Variants in SSU72 observed in about 807,000 individuals in gnomAD.
The protein encoded by SSU72 is RNA polymerase II subunit A C-terminal domain phosphatase SSU72.
A neutral mutation model predicts 22.7 loss-of-function variants in SSU72; 12 were observed. That is an observed-to-expected ratio of 0.53 (90% CI 0.34 to 0.86). SSU72 has a LOEUF of 0.86. Ranked by LOEUF, SSU72 falls within the 40% of genes least tolerant of loss-of-function variation. The pLI is 0.02. For synonymous variants in SSU72, 116 were observed against 98.3 expected (o/e 1.18, Z -1.06); for missense variants, 151 against 249.8 (o/e 0.60, Z 2.67).
intron 2 of SSU72, among the ~76,000 whole-genome samples, chr1:1,551,045 G>C (rs1363308668): frequency 1.3e-5 from 2 of 152,182 alleles, no homozygotes; most frequent in Non-Finnish European, 2.9e-5. Context: ...CTACAGGGCA[G>C]AGCAGGCCTG....
chr1:1,567,068 G>A (rs1053422299), intron 1 of SSU72, among the ~76,000 whole-genome samples: 26 of 152,190 alleles, frequency 1.7e-4, no homozygotes, highest in Non-Finnish European at 3.2e-4. Flanking sequence ...ATGGCTGCCT[G>A]CAGGATGCCC....
rs976608257 is a variant in SSU72, at chr1:1,554,242, G to C, written c.225-9240C>G. On this transcript the variant is annotated intron_variant, in intron 2 of 4. Transcript: ENST00000291386. The surrounding 1 kb of genome is among the most constrained non-coding windows in gnomAD (Gnocchi z 4.1). ...AAGGGGTCCCCACGAAGCTGAGCAT[G>C]AGGCGGACCCGGACCACTCGGGGGC... 1.4e-5 allele frequency among the ~76,000 whole-genome samples: 2 copies of C among 145,536 alleles called. No individual in the cohort carries two copies. Among genetic ancestry groups the C allele is most frequent in the African/African-American group, 4.9e-5 (2 of 40,734 alleles).
chr1:1,572,567 C>T (rs1222621966), intron 1 of SSU72, among the ~76,000 whole-genome samples: 4 of 150,748 alleles, frequency 2.7e-5, no homozygotes, highest in African/African-American at 9.7e-5. Context: ...TGCCATTCTC[C>T]TGCCTCAGCC....
intron 2 of SSU72, among the ~76,000 whole-genome samples, chr1:1,553,018 CAAAAA>C (rs35241878): frequency 1.1e-5 from 1 of 93,810 alleles, no homozygotes; most frequent in Non-Finnish European, 2.4e-5. Context: ...GAGACTGTCT[CAAAAA>C]AAAAAAAAAA....
At chr1:1,569,522 G>C (rs1164285105) in intron 1 of SSU72, among the ~76,000 whole-genome samples, 1 of 152,148 alleles carries the variant, frequency 6.6e-6, no homozygotes, top group Non-Finnish European at 1.5e-5. Flanking sequence ...ACAGAGACTT[G>C]GTTTGTCGTC....
intron 2 of SSU72, among the ~76,000 whole-genome samples, chr1:1,547,717 A>G (rs1171422180): frequency 6.6e-6 from 1 of 152,216 alleles, no homozygotes; most frequent in Non-Finnish European, 1.5e-5. Flanking sequence ...TTCAATAGAC[A>G]GGCTCAGGGC....
At chr1:1,549,991 A>G (rs778681992) in intron 2 of SSU72, among the ~76,000 whole-genome samples, 6 of 147,362 alleles carry the variant, frequency 4.1e-5, no homozygotes, top group Non-Finnish European at 8.9e-5. Flanking sequence ...AAAAAAAAAG[A>G]TGGCAAAACC....
At chr1:1,570,646 T>C (rs1306028006) in intron 1 of SSU72, among the ~76,000 whole-genome samples, 2 of 152,092 alleles carry the variant, frequency 1.3e-5, no homozygotes, top group African/African-American at 2.4e-5. Flanking sequence ...GTATGAATAA[T>C]GAAAATAAGC....
At chr1:1,566,040 T>C (rs1417133579) in intron 1 of SSU72, among the ~76,000 whole-genome samples, 3 of 151,700 alleles carry the variant, frequency 2.0e-5, no homozygotes, top group African/African-American at 7.3e-5. Context: ...ATGGATCACC[T>C]GAGGCTGGGA....
rs1042787234 is a variant in SSU72, at chr1:1,554,077, GA to G, written c.225-9076del. On this transcript the variant is annotated intron_variant, in intron 2 of 4. Transcript: ENST00000291386. This position sits in a 1 kb window ranked among gnomAD's most constrained non-coding sequence, Gnocchi z 4.1. ...TGTCAGTGGCCAGGGCCTCTAAAGA[GA>G]AACGAGGAGGAAGTGCAGCTCCAGG... 2.6e-5 allele frequency among the ~76,000 whole-genome samples: 4 copies of G among 152,226 alleles called. No individual in the cohort carries two copies. Among genetic ancestry groups the G allele is most frequent in the Non-Finnish European group, 5.9e-5 (4 of 68,052 alleles).
At chr1:1,555,297 G>A (rs760074915) in intron 2 of SSU72, among the ~76,000 whole-genome samples, 8 of 152,244 alleles carry the variant, frequency 5.3e-5, no homozygotes, top group African/African-American at 1.4e-4. Context: ...GGTGCATGGC[G>A]GGGATGAGAC....
chr1:1,564,952 A>G (rs1642640494), intron 1 of SSU72, 36 bp from the exon 2 acceptor site: 1 of 1,544,540 alleles, frequency 6.5e-7, no homozygotes, highest in Admixed American at 2.1e-5. Context: ...TCACAGTCAC[A>G]CTAAGACACA....
chr1:1,568,783 G>T (rs1034203596), intron 1 of SSU72, among the ~76,000 whole-genome samples: 5 of 150,324 alleles, frequency 3.3e-5, no homozygotes, highest in Non-Finnish European at 7.4e-5. Context: ...AACTAGCCAG[G>T]CGTGGTGGCT....
At chr1:1,564,279 C>T (rs890730263) in intron 2 of SSU72, 1 of 511,412 alleles carries the variant, frequency 2.0e-6, no homozygotes, top group Non-Finnish European at 3.4e-6. Flanking sequence ...ATGTTCTCTC[C>T]CATTATTTCT....
chr1:1,572,152 G>A (rs1293555487), intron 1 of SSU72, among the ~76,000 whole-genome samples: 1 of 148,962 alleles, frequency 6.7e-6, no homozygotes, highest in Non-Finnish European at 1.5e-5. Context: ...ATCTTGCCAG[G>A]CGCAGTAGCT....
At chr1:1,561,840 A>C (rs766217254) in intron 2 of SSU72, 1 of 152,240 alleles carries the variant, frequency 6.6e-6, no homozygotes, top group Non-Finnish European at 1.5e-5. Flanking sequence ...AGGGGCCACC[A>C]CAGGCAATGC....
rs1642503273 is a variant in SSU72 at position 1,554,978 on chromosome 1, C to A, written c.224+9795G>T. On this transcript the variant is annotated intron_variant, in intron 2 of 4. Coordinates refer to ENST00000291386, the MANE Select transcript of SSU72 (RefSeq NM_014188.3). The surrounding 1 kb of genome is among the most constrained non-coding windows in gnomAD (Gnocchi z 4.1). ...CTCCGTGGAAGCCTTGGTCCTTCCC[C>A]GGAAGGCCACACCATCTTCCCTGCA... Among the ~76,000 whole-genome samples, 1 of 152,068 alleles carries A rather than the reference C, an allele frequency of 6.6e-6. No homozygotes were observed. The highest frequency in any genetic ancestry group is 1.5e-5 in the Non-Finnish European group (1 of 67,998).
intron 2 of SSU72, chr1:1,545,281 C>G (rs2100704540): frequency 2.3e-6 from 1 of 437,982 alleles, no homozygotes; most frequent in Non-Finnish European, 4.2e-6. Flanking sequence ...CCGCCCCCGC[C>G]CAGCATGACA....
intron 2 of SSU72, among the ~76,000 whole-genome samples, chr1:1,551,003 C>T (rs996484536): frequency 1.3e-5 from 2 of 151,928 alleles, no homozygotes; most frequent in South Asian, 2.1e-4. Flanking sequence ...GTCCTGCCAG[C>T]GCCCCCAGGC....
Sources: gnomAD v4.1 joint callset for allele counts (sites outside exome capture counted in the v4.1 genomes callset) on GRCh38, gnomAD v4.1.1 for gene constraint, Gnocchi (gnomAD v3.1) non-coding constraint, MANE v1.5 for transcripts, NCBI Gene and HGNC (gene_info 2026-07-23, HGNC 2026-07-21) for gene names.